The following SPATS2 variants were observed in gnomAD, a reference collection of about 807,000 sequenced individuals.
The protein encoded by SPATS2 is spermatogenesis-associated serine-rich protein 2.
Under a neutral mutation model 63.7 loss-of-function variants are expected in SPATS2, and 38 were observed. The ratio of observed to expected loss-of-function variants is 0.60; its 90% CI spans 0.46 to 0.78. The LOEUF is 0.78. SPATS2 is among the 30% of genes least tolerant of loss of function. SPATS2 has a pLI of 0.00. For missense variants in SPATS2, 588 were observed against 666.2 expected (o/e 0.88, Z 1.29); for synonymous variants, 207 against 232.9 (o/e 0.89, Z 1.01).
At chr12:49,467,040 C>CTTTT (rs1272353375) in intron 3 of SPATS2, among the ~76,000 whole-genome samples, 4 of 94,680 alleles carry the variant, frequency 4.2e-5, no homozygotes, top group African/African-American at 1.2e-4. Flanking sequence ...ATAATTTGTT[C>CTTTT]TTTGTTTTTT....
At position 49,385,908 on chromosome 12, in the gene SPATS2, TC is replaced by T; in HGVS notation, c.-244+14621del. The stretch of plus-strand genomic sequence containing the variant: ...TTTTGAGACAGAGTCTTGCTCTGTC[TC>T]CCGGGCTGGAGTGCAGTGGTGCGAT... On this transcript the variant is annotated intron_variant, in intron 2 of 13. Coordinates refer to ENST00000552918, the MANE Select transcript of SPATS2 (RefSeq NM_023071.4). Among the ~76,000 whole-genome samples the T allele has an allele frequency of 2.0e-5, 3 of 150,882 alleles. No homozygotes were observed. In the East Asian group the frequency reaches 5.8e-4, roughly 29 times the overall value.
Position 49,376,697 on chromosome 12 carries a change from G to A in SPATS2, c.-244+5407G>A, listed in dbSNP as rs567727023. Among the ~76,000 whole-genome samples, 21 of 149,440 alleles carry A rather than the reference G, an allele frequency of 1.4e-4. 1 individual carries two copies. The highest frequency in any genetic ancestry group is 4.7e-4 in the African/African-American group (19 of 40,666). On this transcript the variant is annotated intron_variant, in intron 2 of 13. Coordinates refer to ENST00000552918, the MANE Select transcript of SPATS2 (RefSeq NM_023071.4). ...CAGGTGTGAACCATTGTACCTGGCC[G>A]GTGTTTTGTTGATTTTTTTTTTTTT...
Position 49,491,686 on chromosome 12 carries a change from C to T in SPATS2, c.264+955C>T, listed in dbSNP as rs141012659. Among the ~76,000 whole-genome samples the T allele has an allele frequency of 4.7e-4, 72 of 152,300 alleles. No homozygotes were observed. The South Asian group carries it at 0.012, about 26-fold the overall frequency. On this transcript the variant is annotated intron_variant, in intron 6 of 13. Transcript: ENST00000552918. ...TGGCATTGTGACTGATATTGCTTAACATTTGTGCCTTAGTTTGCTCATCTC... is the reference window on the plus strand; with the variant it reads ...TGGCATTGTGACTGATATTGCTTAATATTTGTGCCTTAGTTTGCTCATCTC...
chr12:49,526,058 T>G lies in SPATS2; in HGVS notation c.1441T>G (p.Trp481Gly). The G allele has an allele frequency of 1.2e-6, 2 of 1,614,234 alleles. No individual in the cohort carries two copies. Among genetic ancestry groups the G allele is most frequent in the Non-Finnish European group, 8.5e-7 (1 of 1,180,046 alleles). Reference protein sequence around the residue: ...DSMGRYRNSSWYSSGSRYQSA... With the variant: ...DSMGRYRNSSGYSSGSRYQSA... Reference sequence around the variant, plus strand: ...TATGGGTCGTTACAGAAACAGCTCGTGGTATTCATCTGGTTCCAGGTATCA... The same window carrying G: ...TATGGGTCGTTACAGAAACAGCTCGGGGTATTCATCTGGTTCCAGGTATCA... Residue 481 changes from tryptophan (W) to glycine (G), a missense_variant, in exon 14 of 14, where the codon TGG becomes GGG. Transcript: ENST00000552918.
chr12:49,435,175 C>T (rs538679964), intron 2 of SPATS2, among the ~76,000 whole-genome samples: 114 of 151,686 alleles, frequency 7.5e-4, no homozygotes, highest in African/African-American at 2.6e-3. Flanking sequence ...GGACTACAGG[C>T]GCCTGCCACC....
chr12:49,395,772 A>G (rs935196664), intron 2 of SPATS2, among the ~76,000 whole-genome samples: 1 of 152,202 alleles, frequency 6.6e-6, no homozygotes, highest in African/African-American at 2.4e-5. Context: ...ACTTAACATG[A>G]AATCTACCCT....
At chr12:49,385,280 C>CA (rs556429325) in intron 2 of SPATS2, among the ~76,000 whole-genome samples, 2,540 of 109,106 alleles carry the variant, frequency 0.023, 68 homozygotes, top group African/African-American at 0.072. Context: ...AATGGTATTT[C>CA]AAAAAAAAAA....
intron 3 of SPATS2, among the ~76,000 whole-genome samples, chr12:49,475,839 C>T (rs549131533): frequency 6.6e-6 from 1 of 152,226 alleles, no homozygotes; most frequent in South Asian, 2.1e-4. Context: ...AAATTCCAGG[C>T]TAATGAGAGA....
At chr12:49,415,674 A>G (rs548060923) in intron 2 of SPATS2, among the ~76,000 whole-genome samples, 3 of 152,268 alleles carry the variant, frequency 2.0e-5, no homozygotes, top group East Asian at 1.9e-4. Context: ...AGCTTCCGGT[A>G]ACGCTTTTTG....
chr12:49,477,624 TTA>T (rs1946140559), intron 3 of SPATS2, among the ~76,000 whole-genome samples: 1 of 152,148 alleles, frequency 6.6e-6, no homozygotes, highest in African/African-American at 2.4e-5. Context: ...AAAGATGGCG[TTA>T]CTCTTAAATA....
At chr12:49,464,114 G>A (rs1214872908) in intron 3 of SPATS2, among the ~76,000 whole-genome samples, 1 of 152,048 alleles carries the variant, frequency 6.6e-6, no homozygotes, top group East Asian at 1.9e-4. Flanking sequence ...GTTTTATTGA[G>A]GTATAATTTA....
intron 3 of SPATS2, among the ~76,000 whole-genome samples, chr12:49,481,732 G>A (rs1024950390): frequency 5.9e-5 from 9 of 151,966 alleles, no homozygotes; most frequent in Non-Finnish European, 1.2e-4. Flanking sequence ...CAAAGTGCTG[G>A]GATTACAGGT....
At chr12:49,430,297 T>TCA (rs1257987004) in intron 2 of SPATS2, among the ~76,000 whole-genome samples, 1 of 151,454 alleles carries the variant, frequency 6.6e-6, no homozygotes, top group East Asian at 1.9e-4. Context: ...AGATGGTGTT[T>TCA]CACTATGTTG....
chr12:49,405,032 G>A (rs1187528490), intron 2 of SPATS2, among the ~76,000 whole-genome samples: 5 of 151,120 alleles, frequency 3.3e-5, no homozygotes, highest in Admixed American at 2.0e-4. Flanking sequence ...TGCAGCAGCA[G>A]ATTTGAGTGG....
At chr12:49,457,878 T>TC (rs1945747444) in intron 2 of SPATS2, among the ~76,000 whole-genome samples, 1 of 152,214 alleles carries the variant, frequency 6.6e-6, no homozygotes, top group Admixed American at 6.5e-5. Flanking sequence ...TCTGTATATT[T>TC]CCATAGGCTT....
In SPATS2 at chr12:49,524,756, A is replaced by C. The variant is rs1425228720; in HGVS notation, c.1186A>C (p.Ser396Arg). ...TACATCTGTGTCCTTGAGTAGCCCA[A>C]GTGATGCCTCTGCTGCTTCCTCTTC... ...SVTSVSLSSP[S>R]DASAASSSTC... Residue 396 changes from serine (S) to arginine (R), a missense_variant, in exon 13 of 14, where the codon AGT (serine) becomes CGT (arginine). By Grantham distance (110) the Ser-to-Arg change is moderately radical (BLOSUM62 -1). Coordinates refer to ENST00000552918, the MANE Select transcript of SPATS2 (RefSeq NM_023071.4). 1.2e-6 allele frequency: 2 copies of C among 1,614,194 alleles called. No homozygotes were observed. Among genetic ancestry groups the C allele is most frequent in the Non-Finnish European group, 1.7e-6 (2 of 1,180,050 alleles).
chr12:49,442,355 TC>T (rs1433136630), intron 2 of SPATS2: 1 of 152,786 alleles, frequency 6.5e-6, no homozygotes, highest in Non-Finnish European at 1.5e-5. Context: ...AAAATATTTC[TC>T]TGGATTGTGC....
intron 2 of SPATS2, among the ~76,000 whole-genome samples, chr12:49,408,433 A>G (rs547988517): frequency 2.6e-4 from 39 of 151,448 alleles, no homozygotes; most frequent in Non-Finnish European, 5.2e-4. Context: ...TTGTATTTTT[A>G]GTAGAGACAG....
chr12:49,494,924 G>T lies in SPATS2; in HGVS notation c.448G>T (p.Gly150Cys), dbSNP rs1362410540. The T allele has an allele frequency of 1.2e-6, 2 of 1,613,910 alleles. No homozygotes were observed. The highest frequency in any genetic ancestry group is 2.7e-5 in the African/African-American group (2 of 74,884). The change falls in exon 7 of 14, where the codon GGT becomes TGT. Residue 150 changes from glycine (G) to cysteine (C), a missense_variant. Physicochemically the swap from Gly to Cys is radical, Grantham distance 159. Coordinates refer to ENST00000552918, the MANE Select transcript of SPATS2 (RefSeq NM_023071.4). ...TGAGTCTGTGGACTCACTCAGTGAA[G>T]GTTTGGAGACACTTTCAATAGATGC... ...DTESVDSLSE[G>C]LETLSIDARE... is the part of the protein sequence containing the mutation.
Sources: gnomAD v4.1 joint callset for allele counts (sites outside exome capture counted in the v4.1 genomes callset) on GRCh38, gnomAD v4.1.1 for gene constraint, MANE v1.5 for transcripts, NCBI Gene and HGNC (gene_info 2026-07-23, HGNC 2026-07-21) for gene names.